CDC73: variants seen among roughly 807,000 people sequenced by gnomAD.
The protein encoded by CDC73 is parafibromin.
CDC73 carries 21 observed loss-of-function variants against 83.7 expected under a neutral mutation model. That is an observed-to-expected ratio of 0.25 (90% CI 0.18 to 0.36). The LOEUF is 0.36. Ranked by LOEUF, CDC73 falls within the 10% of genes least tolerant of loss-of-function variation. CDC73 has a pLI of 1.00. For synonymous variants in CDC73, 224 were observed against 212.9 expected, an observed-to-expected ratio of 1.05 and a Z score of -0.45; for missense variants, 342 against 653.3, an observed-to-expected ratio of 0.52 and a Z score of 5.19.
At chr1:193,216,340 A>G (rs968252176) in intron 13 of CDC73, among the ~76,000 whole-genome samples, 1 of 152,326 alleles carries the variant, frequency 6.6e-6, no homozygotes, top group East Asian at 1.9e-4. Context: ...GAATACCTAA[A>G]AGAAATGGAT....
intron 10 of CDC73, chr1:193,180,955 C>T (rs752679607): frequency 3.1e-6 from 5 of 1,613,378 alleles, no homozygotes; most frequent in South Asian, 1.1e-5. Flanking sequence ...CAGTATTGCA[C>T]GTTGAAGGTA....
At chr1:193,152,628 T>G (rs1245792044) in intron 10 of CDC73, among the ~76,000 whole-genome samples, 184 bp downstream of exon 10, 1 of 152,218 alleles carries the variant, frequency 6.6e-6, no homozygotes, top group Non-Finnish European at 1.5e-5. Context: ...ATTTTTCTTT[T>G]CCTTCAAATT....
At chr1:193,192,932 C>T (rs1216836160) in intron 10 of CDC73, among the ~76,000 whole-genome samples, 1 of 152,202 alleles carries the variant, frequency 6.6e-6, no homozygotes, top group East Asian at 1.9e-4. Context: ...TCCTTTTTAC[C>T]TACTCTGAGC....
chr1:193,181,716 G>T, intron 10 of CDC73: 1 of 677,050 alleles, frequency 1.5e-6, no homozygotes, highest in Non-Finnish European at 2.4e-6. Flanking sequence ...TTACAGAACT[G>T]CCTGAAAGGG....
intron 13 of CDC73, among the ~76,000 whole-genome samples, chr1:193,221,994 C>T (rs7518409): frequency 0.054 from 8,234 of 151,976 alleles, 520 homozygotes; most frequent in African/African-American, 0.16. Context: ...TTATGTACAA[C>T]TGAGGATTCT....
intron 10 of CDC73, chr1:193,180,253 C>A: frequency 6.7e-7 from 1 of 1,500,666 alleles, no homozygotes; most frequent in Non-Finnish European, 9.0e-7. Context: ...ATGCTTTTAG[C>A]AATATTTACA....
At chr1:193,177,423 G>A (rs1000555955) in intron 10 of CDC73, among the ~76,000 whole-genome samples, 2 of 149,638 alleles carry the variant, frequency 1.3e-5, no homozygotes. Flanking sequence ...CCAGCTATTC[G>A]GGAGGCTGAG....
At chr1:193,222,645 C>G (rs577231575) in intron 13 of CDC73, among the ~76,000 whole-genome samples, 3 of 151,630 alleles carry the variant, frequency 2.0e-5, no homozygotes, top group Non-Finnish European at 4.4e-5. Flanking sequence ...TAGCTAGATG[C>G]GGATTTCTTT....
chr1:193,215,242 A>C (rs1677347268), intron 13 of CDC73, among the ~76,000 whole-genome samples: 1 of 152,216 alleles, frequency 6.6e-6, no homozygotes, highest in Admixed American at 6.5e-5. Flanking sequence ...GAATGTATAT[A>C]ATAGTGATTT....
chr1:193,145,793 A>G (rs1427087018), intron 7 of CDC73, among the ~76,000 whole-genome samples: 3 of 152,170 alleles, frequency 2.0e-5, no homozygotes, highest in Admixed American at 6.6e-5. Flanking sequence ...GTTATGTTTC[A>G]AGCAGCCTCT....
intron 11 of CDC73, among the ~76,000 whole-genome samples, chr1:193,211,095 A>T (rs1677270634): frequency 6.6e-6 from 1 of 152,264 alleles, no homozygotes; most frequent in East Asian, 1.9e-4. Context: ...CATGAATGTA[A>T]GATACTCAGT....
intron 10 of CDC73, among the ~76,000 whole-genome samples, chr1:193,154,416 C>T (rs544268930): frequency 1.3e-5 from 2 of 152,168 alleles, no homozygotes; most frequent in South Asian, 2.1e-4. Context: ...CTTTATTGAT[C>T]AGTATGAGAA....
chr1:193,179,161 G>A (rs1213478888), intron 10 of CDC73: 4 of 152,016 alleles, frequency 2.6e-5, no homozygotes, highest in African/African-American at 9.7e-5. Context: ...CTCCCAAAAA[G>A]GTTTTTAATT....
chr1:193,182,841 T>C (rs1676740547), intron 10 of CDC73, among the ~76,000 whole-genome samples: 1 of 152,060 alleles, frequency 6.6e-6, no homozygotes, highest in African/African-American at 2.4e-5. Context: ...TGAATTCCAT[T>C]AAAACAGGAG....
chr1:193,153,139 A>G (rs1676150691), intron 10 of CDC73, among the ~76,000 whole-genome samples: 1 of 152,202 alleles, frequency 6.6e-6, no homozygotes, highest in Admixed American at 6.5e-5. Flanking sequence ...CTTACAAAGT[A>G]TGTAATTAAC....
intron 7 of CDC73, among the ~76,000 whole-genome samples, chr1:193,144,567 C>A (rs1675962098): frequency 6.6e-6 from 1 of 152,150 alleles, no homozygotes; most frequent in African/African-American, 2.4e-5. Flanking sequence ...AAGGCAATGG[C>A]ACTTAGCCAT....
At position 193,156,719 on chromosome 1, in the gene CDC73, A is replaced by G. The variant is rs140657514; in HGVS notation, c.972+4275A>G. ...CTGCTTGAAGTGTTACGGGAGTGCT[A>G]TAGTAGCAGTAATGTTCTGGAGTTG... On this transcript the variant is annotated intron_variant, in intron 10 of 16. Transcript: ENST00000367435. 2.0e-4 allele frequency among the ~76,000 whole-genome samples: 30 copies of G among 152,198 alleles called. No homozygotes were observed. In the East Asian group the frequency reaches 5.0e-3, roughly 26 times the overall value.
At chr1:193,174,410 C>T (rs1676569861) in intron 10 of CDC73, among the ~76,000 whole-genome samples, 1 of 152,026 alleles carries the variant, frequency 6.6e-6, no homozygotes, top group Non-Finnish European at 1.5e-5. Flanking sequence ...TCTTGCCTTC[C>T]ACTATATCTC....
chr1:193,193,244 T>A (rs891966402), intron 10 of CDC73, among the ~76,000 whole-genome samples: 3 of 152,212 alleles, frequency 2.0e-5, no homozygotes, highest in Admixed American at 6.5e-5. Flanking sequence ...ACATTAAGCA[T>A]TTTTTATATG....
Sources: gnomAD v4.1 joint callset for allele counts (sites outside exome capture counted in the v4.1 genomes callset) on GRCh38, gnomAD v4.1.1 for gene constraint, MANE v1.5 for transcripts, NCBI Gene and HGNC (gene_info 2026-07-23, HGNC 2026-07-21) for gene names.